Variants in CNTN5 observed in about 807,000 individuals in gnomAD.
CNTN5 encodes contactin-5.
CNTN5 carries 77 observed loss-of-function variants against 129.1 expected under a neutral mutation model. That is an observed-to-expected ratio of 0.60 (90% CI 0.50 to 0.72). CNTN5 has a LOEUF of 0.72. Ranked by LOEUF, CNTN5 falls within the 30% of genes least tolerant of loss-of-function variation. The pLI is 0.00. For synonymous variants in CNTN5, 509 were observed against 465.6 expected (o/e 1.09, Z -1.20); for missense variants, 1,478 against 1,328.8 (o/e 1.11, Z -1.75).
intron 1 of CNTN5, among the ~76,000 whole-genome samples, chr11:99,235,050 T>G (rs1039316688): frequency 3.6e-4 from 21 of 57,548 alleles, no homozygotes; most frequent in African/African-American, 2.6e-3. Flanking sequence ...CCTACCCTTT[T>G]TCTTTTTTTG....
chr11:100,206,271 A>C (rs12419072), intron 15 of CNTN5, among the ~76,000 whole-genome samples: 1 of 151,982 alleles, frequency 6.6e-6, no homozygotes, highest in East Asian at 1.9e-4. Context: ...GAGGGTGAGC[A>C]TGATGAAATA....
chr11:99,209,306 G>C (rs952853996), intron 1 of CNTN5, among the ~76,000 whole-genome samples: 1 of 152,084 alleles, frequency 6.6e-6, no homozygotes, highest in Non-Finnish European at 1.5e-5. Flanking sequence ...ACTGTCTCAC[G>C]GTTCTTCAGG....
intron 15 of CNTN5, among the ~76,000 whole-genome samples, chr11:100,209,487 A>G (rs1357916246): frequency 2.0e-5 from 3 of 152,254 alleles, no homozygotes; most frequent in South Asian, 4.1e-4. Context: ...TCTTTTTAAC[A>G]TGTTAGAAAA....
rs188504450 is a variant in CNTN5 at position 99,795,027 on chromosome 11, C to T, written c.56-24517C>T. Among the ~76,000 whole-genome samples, 402 of 152,282 alleles carry T rather than the reference C, an allele frequency of 2.6e-3. 5 individuals carry two copies. The highest frequency in any genetic ancestry group is 0.024 in the Admixed American group (361 of 15,300). ...ATCCTCAAATATGTTTTTCAAGTTACTTGCTTTCTCTGTCTCTTTTTAAGG... is the reference window on the plus strand; with the variant it reads ...ATCCTCAAATATGTTTTTCAAGTTATTTGCTTTCTCTGTCTCTTTTTAAGG... On this transcript the variant is annotated intron_variant, in intron 3 of 24. Coordinates refer to ENST00000524871, the MANE Select transcript of CNTN5 (RefSeq NM_014361.4).
Position 99,809,610 on chromosome 11 carries a change from C to G in CNTN5, c.56-9934C>G, listed in dbSNP as rs143693195. Among the ~76,000 whole-genome samples, 53 of 152,178 alleles carry G rather than the reference C, an allele frequency of 3.5e-4. 1 individual carries two copies. The highest frequency in any genetic ancestry group is 6.5e-4 in the Admixed American group (10 of 15,276). On this transcript the variant is annotated intron_variant, in intron 3 of 24. Coordinates refer to ENST00000524871, the MANE Select transcript of CNTN5 (RefSeq NM_014361.4). ...ATTGAATGAGTACACCCACCTTTTACAGATTCTATGTTCTACACGGCACCA... is the reference window on the plus strand; with the variant it reads ...ATTGAATGAGTACACCCACCTTTTAGAGATTCTATGTTCTACACGGCACCA...
chr11:100,274,129 C>A (rs552722521), intron 18 of CNTN5, among the ~76,000 whole-genome samples: 15 of 152,124 alleles, frequency 9.9e-5, no homozygotes, highest in Non-Finnish European at 1.6e-4. Context: ...GGAAAGGATA[C>A]CCTATTCAAT....
intron 3 of CNTN5, among the ~76,000 whole-genome samples, chr11:99,811,170 A>G (rs1233858603): frequency 6.6e-6 from 1 of 152,038 alleles, no homozygotes; most frequent in Admixed American, 6.6e-5. Flanking sequence ...GAGTCGATAG[A>G]AAAGATTCAG....
intron 3 of CNTN5, among the ~76,000 whole-genome samples, chr11:99,598,326 GTCCCTCTC>G (rs1351634971): frequency 0.058 from 248 of 4,286 alleles, 45 homozygotes; most frequent in African/African-American, 0.08. Flanking sequence ...TTTCTTTTCT[GTCCCTCTC>G]TCTCTCTCTC....
At chr11:99,406,874 A>T (rs1466132672) in intron 2 of CNTN5, among the ~76,000 whole-genome samples, 1 of 152,102 alleles carries the variant, frequency 6.6e-6, no homozygotes, top group Non-Finnish European at 1.5e-5. Context: ...AATACTGCAG[A>T]TATTCCCTTA....
intron 13 of CNTN5, among the ~76,000 whole-genome samples, chr11:100,150,182 GAGA>G (rs1209539698): frequency 1.3e-5 from 2 of 152,066 alleles, no homozygotes; most frequent in Non-Finnish European, 2.9e-5. Context: ...CACCTATAGA[GAGA>G]AGATTTTTCT....
chr11:99,571,818 A>G (rs1313069222), intron 3 of CNTN5, among the ~76,000 whole-genome samples: 1 of 152,142 alleles, frequency 6.6e-6, no homozygotes, highest in African/African-American at 2.4e-5. Context: ...TCAGTTATAG[A>G]TTTCTTCTTT....
At chr11:99,310,089 A>C (rs1865045882) in intron 1 of CNTN5, among the ~76,000 whole-genome samples, 1 of 152,168 alleles carries the variant, frequency 6.6e-6, no homozygotes, top group Non-Finnish European at 1.5e-5. Flanking sequence ...GTACAGGTAT[A>C]ATTAAATGCA....
intron 3 of CNTN5, among the ~76,000 whole-genome samples, chr11:99,663,725 C>T (rs887237343): frequency 1.1e-4 from 17 of 152,084 alleles, no homozygotes; most frequent in Non-Finnish European, 8.8e-5. Flanking sequence ...TCTCAATTGC[C>T]ACCGTGTAAG....
At chr11:99,943,897 C>A (rs1186017582) in intron 7 of CNTN5, among the ~76,000 whole-genome samples, 1 of 152,048 alleles carries the variant, frequency 6.6e-6, no homozygotes, top group East Asian at 1.9e-4. Flanking sequence ...GTCTATATAT[C>A]TGTTTTGGTA....
chr11:99,807,822 G>A lies in CNTN5; in HGVS notation c.56-11722G>A, dbSNP rs530364090. Among the ~76,000 whole-genome samples the A allele has an allele frequency of 7.0e-4, 107 of 152,262 alleles. 1 individual carries two copies. Among genetic ancestry groups the A allele is most frequent in the Non-Finnish European group, 4.9e-4 (33 of 68,026 alleles). On this transcript the variant is annotated intron_variant, in intron 3 of 24. Coordinates refer to ENST00000524871, the MANE Select transcript of CNTN5 (RefSeq NM_014361.4). ...TGAAGATAAATCCAAGTTTGTTTTT[G>A]CAGAGTATTCTGTTTCTGGATATCA...
chr11:99,042,705 C>T (rs1475149147), intron 1 of CNTN5, among the ~76,000 whole-genome samples: 6 of 152,074 alleles, frequency 3.9e-5, no homozygotes, highest in African/African-American at 1.4e-4. Flanking sequence ...AAGAATTCAA[C>T]TCTTATTTCA....
chr11:99,962,733 A>C (rs568009606), intron 8 of CNTN5, among the ~76,000 whole-genome samples: 115 of 151,548 alleles, frequency 7.6e-4, no homozygotes, highest in Non-Finnish European at 1.3e-3. Flanking sequence ...GAATCGCCAC[A>C]CTGACTTCCA....
chr11:100,349,822 A>T (rs556979687), intron 23 of CNTN5, among the ~76,000 whole-genome samples: 3 of 151,962 alleles, frequency 2.0e-5, no homozygotes, highest in African/African-American at 7.2e-5. Context: ...GTAATAGTAC[A>T]ATATAGTAAA....
intron 3 of CNTN5, among the ~76,000 whole-genome samples, chr11:99,734,432 C>T (rs1447406683): frequency 6.6e-6 from 1 of 152,172 alleles, no homozygotes; most frequent in Non-Finnish European, 1.5e-5. Context: ...ATCGTATCAT[C>T]TCAGGCCACC....
Sources: gnomAD v4.1 joint callset for allele counts (sites outside exome capture counted in the v4.1 genomes callset) on GRCh38, gnomAD v4.1.1 for gene constraint, MANE v1.5 for transcripts, NCBI Gene and HGNC (gene_info 2026-07-23, HGNC 2026-07-21) for gene names.